CADM2: variants seen among roughly 807,000 people sequenced by gnomAD.
CADM2 encodes the protein cell adhesion molecule 2, also known as immunoglobulin superfamily member 4D.
A neutral mutation model predicts 49.8 loss-of-function variants in CADM2; 12 were observed. The observed-to-expected ratio is 0.24, with a 90% CI of 0.15 to 0.39. CADM2 has a LOEUF of 0.39. Ranked by LOEUF, CADM2 falls within the 10% of genes least tolerant of loss-of-function variation. The pLI is 1.00. For missense variants in CADM2, 378 were observed against 492.3 expected, an observed-to-expected ratio of 0.77 and a Z score of 2.20; for synonymous variants, 214 against 175.4, an observed-to-expected ratio of 1.22 and a Z score of -1.74.
chr3:85,077,383 G>A (rs540755137), intron 1 of CADM2, among the ~76,000 whole-genome samples: 6 of 151,940 alleles, frequency 3.9e-5, no homozygotes, highest in East Asian at 1.9e-4. Flanking sequence ...TACCTTTACA[G>A]AGCAATATTG....
intron 3 of CADM2, among the ~76,000 whole-genome samples, chr3:85,828,691 T>A (rs1297617476): frequency 3.9e-5 from 6 of 151,970 alleles, no homozygotes; most frequent in Non-Finnish European, 4.4e-5. Context: ...TTGATGTTGT[T>A]CTTTCAGCTA....
intron 5 of CADM2, among the ~76,000 whole-genome samples, chr3:85,901,057 CGT>C (rs1047060022): frequency 1.3e-5 from 2 of 152,054 alleles, no homozygotes; most frequent in African/African-American, 4.8e-5. Flanking sequence ...ATTAGCTGGG[CGT>C]GGTGGTGCAC....
rs141926492 is a variant in CADM2 at position 85,236,075 on chromosome 3, T to C, written c.61+276407T>C. Among the ~76,000 whole-genome samples, 125 of 152,172 alleles carry C rather than the reference T, an allele frequency of 8.2e-4. 1 individual carries two copies. The highest frequency in any genetic ancestry group is 3.4e-3 in the Middle Eastern group (1 of 294). On this transcript the variant is annotated intron_variant, in intron 1 of 9. Coordinates refer to ENST00000383699, the MANE Select transcript of CADM2 (RefSeq NM_001167675.2). ...GTTATGCCGCCTCACAATTTTTTCC[T>C]GGATGGATGATGTTATTCTCAGGAC...
At chr3:85,467,193 T>C (rs1393072669) in intron 1 of CADM2, among the ~76,000 whole-genome samples, 3 of 152,168 alleles carry the variant, frequency 2.0e-5, no homozygotes, top group Non-Finnish European at 2.9e-5. Context: ...CAACAAATCA[T>C]GGAGAATGTA....
chr3:85,526,027 C>A (rs1403402731), intron 1 of CADM2, among the ~76,000 whole-genome samples: 2 of 151,966 alleles, frequency 1.3e-5, no homozygotes, highest in Non-Finnish European at 2.9e-5. Flanking sequence ...TTTAAAAAAT[C>A]AATTATCTTT....
In CADM2 at chr3:85,198,725, T is replaced by C. The variant is rs76488360; in HGVS notation, c.61+239057T>C. Reference sequence around the variant, plus strand: ...AACAATATTAGGCATTAATCATTTCTGTAATTTGTGAATAGCATAATTGGT... The same window carrying C: ...AACAATATTAGGCATTAATCATTTCCGTAATTTGTGAATAGCATAATTGGT... On this transcript the variant is annotated intron_variant, in intron 1 of 9. Transcript: ENST00000383699. 6.9e-3 allele frequency among the ~76,000 whole-genome samples: 1,049 copies of C among 152,048 alleles called. 10 individuals are homozygous for C. Among genetic ancestry groups the C allele is most frequent in the African/African-American group, 0.023 (961 of 41,562 alleles).
At chr3:85,351,630 A>G (rs1442588609) in intron 1 of CADM2, among the ~76,000 whole-genome samples, 1 of 151,894 alleles carries the variant, frequency 6.6e-6, no homozygotes, top group African/African-American at 2.4e-5. Flanking sequence ...TGTAAAGTTT[A>G]CTGCACAGGC....
intron 7 of CADM2, among the ~76,000 whole-genome samples, chr3:85,955,622 C>A (rs548917270): frequency 1.3e-5 from 2 of 151,278 alleles, no homozygotes; most frequent in Non-Finnish European, 3.0e-5. Context: ...AATAAATGCC[C>A]CAAATACAAA....
chr3:85,861,152 A>G (rs1428684656), intron 3 of CADM2, among the ~76,000 whole-genome samples: 1 of 152,174 alleles, frequency 6.6e-6, no homozygotes, highest in African/African-American at 2.4e-5. Context: ...TTGCGTTGAG[A>G]ATAGACTATA....
intron 1 of CADM2, among the ~76,000 whole-genome samples, chr3:85,609,730 C>T (rs1227194739): frequency 6.6e-6 from 1 of 152,024 alleles, no homozygotes; most frequent in East Asian, 1.9e-4. Flanking sequence ...GTCTACACAG[C>T]CAAGGTGTTG....
chr3:85,231,630 T>C (rs1009608395), intron 1 of CADM2, among the ~76,000 whole-genome samples: 3 of 151,430 alleles, frequency 2.0e-5, no homozygotes, highest in African/African-American at 7.3e-5. Context: ...TATAGATGGA[T>C]AGTTTTTGTT....
rs565874394 is a variant in CADM2 at position 85,754,574 on chromosome 3, A to G, written c.88+28026A>G. Among the ~76,000 whole-genome samples the G allele has an allele frequency of 2.3e-3, 345 of 152,336 alleles. 1 individual carries two copies. The highest frequency in any genetic ancestry group is 8.0e-3 in the African/African-American group (334 of 41,580). On this transcript the variant is annotated intron_variant, in intron 2 of 9. Coordinates refer to ENST00000383699, the MANE Select transcript of CADM2 (RefSeq NM_001167675.2). Reference sequence around the variant, plus strand: ...ATGCTTTACCTACAGATCACTGGTTATTAGAACCAAGCAACCATGGGTCTG... The same window carrying G: ...ATGCTTTACCTACAGATCACTGGTTGTTAGAACCAAGCAACCATGGGTCTG...
intron 1 of CADM2, among the ~76,000 whole-genome samples, chr3:85,650,143 G>A (rs1272280035): frequency 6.6e-6 from 1 of 152,060 alleles, no homozygotes; most frequent in African/African-American, 2.4e-5. Flanking sequence ...TCTAGATATG[G>A]GAGAGGGCTA....
At chr3:85,893,066 G>A (rs889391150) in intron 5 of CADM2, among the ~76,000 whole-genome samples, 3 of 152,184 alleles carry the variant, frequency 2.0e-5, no homozygotes, top group African/African-American at 7.2e-5. Flanking sequence ...AAAGAGATTG[G>A]TGGTATTTTG....
intron 1 of CADM2, among the ~76,000 whole-genome samples, chr3:85,381,095 T>C (rs899541029): frequency 1.3e-5 from 2 of 152,030 alleles, no homozygotes; most frequent in Non-Finnish European, 2.9e-5. Context: ...TTTTATCCGA[T>C]ATATGAAGAT....
chr3:85,601,159 TATATATATATATATACAC>T (rs1331353820), intron 1 of CADM2, among the ~76,000 whole-genome samples: 2,360 of 79,810 alleles, frequency 0.03, 40 homozygotes, highest in South Asian at 0.044. Context: ...TATATATATA[TATATATATATATATACAC>T]ACACACACAC....
chr3:85,028,534 A>ATTGTACTTT (rs1341409174), intron 1 of CADM2, among the ~76,000 whole-genome samples: 5 of 152,194 alleles, frequency 3.3e-5, no homozygotes, highest in Non-Finnish European at 5.9e-5. Context: ...TAGTATCTTA[A>ATTGTACTTT]AGTACAAATT....
chr3:85,509,050 A>G (rs1177421349), intron 1 of CADM2, among the ~76,000 whole-genome samples: 2 of 152,170 alleles, frequency 1.3e-5, no homozygotes, highest in Admixed American at 6.6e-5. Flanking sequence ...TGAAAGAAAG[A>G]AAAAGGAATG....
At chr3:85,455,717 A>C (rs911970371) in intron 1 of CADM2, among the ~76,000 whole-genome samples, 20 of 152,150 alleles carry the variant, frequency 1.3e-4, no homozygotes, top group Non-Finnish European at 2.8e-4. Flanking sequence ...GCAGAAGGGC[A>C]ATTTTATTAA....
Sources: gnomAD v4.1 joint callset for allele counts (sites outside exome capture counted in the v4.1 genomes callset) on GRCh38, gnomAD v4.1.1 for gene constraint, MANE v1.5 for transcripts, NCBI Gene and HGNC (gene_info 2026-07-23, HGNC 2026-07-21) for gene names.